F5: variants seen among roughly 807,000 people sequenced by gnomAD.
F5 encodes coagulation factor V.
In F5, 138 loss-of-function variants were observed where a neutral mutation model predicts 216.4. That is an observed-to-expected ratio of 0.64 (90% CI 0.56 to 0.73). The LOEUF is 0.73. Ranked by LOEUF, F5 falls within the 30% of genes least tolerant of loss-of-function variation. F5 has a pLI of 0.00. For synonymous variants in F5, 916 were observed against 930.7 expected, an observed-to-expected ratio of 0.98 and a Z score of 0.29; for missense variants, 2,403 against 2,674.0, an observed-to-expected ratio of 0.90 and a Z score of 2.24.
chr1:169,577,840 C>G (rs1481951008), intron 2 of F5, among the ~76,000 whole-genome samples: 1 of 151,886 alleles, frequency 6.6e-6, no homozygotes, highest in Non-Finnish European at 1.5e-5. Context: ...GGATGGGCAT[C>G]TTCATACCTC....
Position 169,513,503 on chromosome 1 carries a change from G to T in F5, c.*810C>A, listed in dbSNP as rs886658103. Among the ~76,000 whole-genome samples, 11 of 152,226 alleles carry T rather than the reference G, an allele frequency of 7.2e-5. No homozygotes were observed. Among genetic ancestry groups the T allele is most frequent in the African/African-American group, 2.4e-4 (10 of 41,534 alleles). On this transcript the variant is annotated 3_prime_UTR_variant, in exon 25 of 25. Coordinates refer to ENST00000367797, the MANE Select transcript of F5 (RefSeq NM_000130.5). ...AAAACTTTAACTGCTTGCCAGTTTG[G>T]CCAGAGGTCTCTTTGAGCAGGAACA...
intron 3 of F5, among the ~76,000 whole-genome samples, chr1:169,567,752 G>C (rs1485047520): frequency 1.3e-5 from 2 of 152,064 alleles, no homozygotes; most frequent in African/African-American, 2.4e-5. Flanking sequence ...CTAAATGCCA[G>C]AGTACAAATG....
At chr1:169,524,248 A>T (rs929310810) in intron 19 of F5, among the ~76,000 whole-genome samples, 4 of 152,212 alleles carry the variant, frequency 2.6e-5, no homozygotes, top group African/African-American at 9.7e-5. Context: ...TGACCTCTTG[A>T]TCTTGGGAAG....
Position 169,527,993 on chromosome 1 carries a change from C to A in F5, c.5521G>T (p.Val1841Leu). The A allele has an allele frequency of 6.2e-7, 1 of 1,613,908 alleles. No individual in the cohort carries two copies. The highest frequency in any genetic ancestry group is 2.2e-5 in the East Asian group (1 of 44,876). The change falls in exon 17 of 25, where the codon GTG (valine) becomes TTG (leucine). Residue 1841 changes from valine to leucine, a missense_variant. By Grantham distance (32) the Val-to-Leu change is conservative. This residue lies in a region of F5 where 659 missense variants were observed against 787.9 expected (regional missense o/e 0.84). Transcript: ENST00000367797. The stretch of plus-strand genomic sequence containing the variant: ...AAGGTCTGGCCGTGAAAGTGAACCA[C>A]GTGAATGTCTTGGGAGCCGCCTATG... ...LNIGGSQDIH[V>L]VHFHGQTLLE... is the part of the protein sequence containing the mutation.
In F5 at chr1:169,546,569, C is replaced by A; in HGVS notation, c.1635G>T (p.Gln545His). Residue 545 changes from glutamine to histidine, a missense_variant, in exon 11 of 25, where the codon CAG becomes CAT. Transcript: ENST00000367797. ...TCTCATCAAACACAGCAAACACAGC[C>A]TGCTGTTCGATGTCTGCTGCCCTCT... Reference protein sequence around the residue: ...GIQRAADIEQQAVFAVFDENK... With the variant: ...GIQRAADIEQHAVFAVFDENK... 6.2e-7 allele frequency: 1 copy of A among 1,614,102 alleles called. No homozygotes were observed. The highest frequency in any genetic ancestry group is 8.5e-7 in the Non-Finnish European group (1 of 1,179,988).
intron 6 of F5, among the ~76,000 whole-genome samples, chr1:169,556,425 T>TAAAAAA (rs61568675): frequency 0.025 from 1,471 of 58,914 alleles, 173 homozygotes; most frequent in Middle Eastern, 0.092. Context: ...TTTGCTTAAT[T>TAAAAAA]AAAAAAAAAA....
intron 10 of F5, among the ~76,000 whole-genome samples, chr1:169,549,592 A>T (rs1031740471): frequency 4.6e-5 from 7 of 151,888 alleles, no homozygotes; most frequent in Non-Finnish European, 1.0e-4. Flanking sequence ...CACACTCTAG[A>T]CTTGCCTTCG....
intron 23 of F5, among the ~76,000 whole-genome samples, chr1:169,518,038 T>C (rs1372601324): frequency 6.6e-6 from 1 of 152,194 alleles, no homozygotes; most frequent in African/African-American, 2.4e-5. Flanking sequence ...AGCCAGCTCA[T>C]TCATTTACAT....
chr1:169,556,892 C>A, intron 5 of F5, 25 bp from the exon 6 acceptor site: 1 of 1,597,822 alleles, frequency 6.3e-7, no homozygotes, highest in Non-Finnish European at 8.6e-7. Flanking sequence ...GAGACACAGG[C>A]CAAAATAAGC....
At chr1:169,534,720 C>CACATGT (rs1367757780) in intron 14 of F5, among the ~76,000 whole-genome samples, 1 of 151,114 alleles carries the variant, frequency 6.6e-6, no homozygotes, top group Non-Finnish European at 1.5e-5. Flanking sequence ...ACTGAAAAGA[C>CACATGT]ACATGTACTA....
chr1:169,576,172 C>G (rs1160669202), intron 2 of F5, among the ~76,000 whole-genome samples: 1 of 152,188 alleles, frequency 6.6e-6, no homozygotes, highest in Non-Finnish European at 1.5e-5. Flanking sequence ...TTTTGGACTT[C>G]TCATCTGCAG....
intron 2 of F5, among the ~76,000 whole-genome samples, chr1:169,579,564 A>C (rs2101844966): frequency 6.6e-6 from 1 of 152,248 alleles, no homozygotes; most frequent in East Asian, 1.9e-4. Context: ...CCAAATCTAT[A>C]CTTATCACCT....
intron 2 of F5, among the ~76,000 whole-genome samples, chr1:169,581,432 A>G (rs896766595): frequency 6.6e-6 from 1 of 151,698 alleles, no homozygotes; most frequent in Non-Finnish European, 1.5e-5. Context: ...AAAGGCAGGC[A>G]GGGTCAAGGG....
chr1:169,522,332 G>A (rs1331237994), intron 21 of F5, among the ~76,000 whole-genome samples: 1 of 152,052 alleles, frequency 6.6e-6, no homozygotes, highest in Non-Finnish European at 1.5e-5. Context: ...ATGAAAGCTA[G>A]TATAACTGTG....
At position 169,529,781 on chromosome 1, in the gene F5, A is replaced by T. The variant is rs1286743360; in HGVS notation, c.5246T>A (p.Leu1749Gln). 1 of 1,613,674 alleles carries T rather than the reference A, an allele frequency of 6.2e-7. No homozygotes were observed. The highest frequency in any genetic ancestry group is 1.1e-5 in the South Asian group (1 of 91,070). Residue 1749 changes from leucine to glutamine, a missense_variant, in exon 16 of 25, where the codon CTA becomes CAA. Leu to Gln is a moderately radical substitution (Grantham distance 113, BLOSUM62 -2). Coordinates refer to ENST00000367797, the MANE Select transcript of F5 (RefSeq NM_000130.5). Reference sequence around the variant, plus strand: ...ATGTAGTATTCCTTTTTGGCAGATTAGGAGGGGACCTATCAAGCCTGAGTG... The same window carrying T: ...ATGTAGTATTCCTTTTTGGCAGATTTGGAGGGGACCTATCAAGCCTGAGTG... ...DIHSGLIGPL[L>Q]ICQKGILHKD...
chr1:169,534,712 T>C (rs1425517458), intron 14 of F5, among the ~76,000 whole-genome samples: 3 of 151,180 alleles, frequency 2.0e-5, no homozygotes, highest in Non-Finnish European at 4.4e-5. Flanking sequence ...ATTGTTCTAC[T>C]GAAAAGACAC....
chr1:169,560,611 T>A lies in F5; in HGVS notation c.529A>T (p.Asn177Tyr). The change falls in exon 4 of 25, where the codon AAT becomes TAT. Residue 177 changes from asparagine to tyrosine, a missense_variant. Physicochemically the swap from Asn to Tyr is moderately radical, Grantham distance 143. This residue lies in a region of F5 where 1,425 missense variants were observed against 1,554.8 expected (regional missense o/e 0.92). Transcript: ENST00000367797. Reference sequence around the variant, plus strand: ...CCCGAGTTGAAATCCTCGATCAGATTTTCATGGGAGTAATAGATGTGTGTG... The same window carrying A: ...CCCGAGTTGAAATCCTCGATCAGATATTCATGGGAGTAATAGATGTGTGTG... ...CLTHIYYSHENLIEDFNSGLI... is the reference protein window; with the variant it reads ...CLTHIYYSHEYLIEDFNSGLI... 6.2e-7 allele frequency: 1 copy of A among 1,613,732 alleles called. No homozygotes were observed. Among genetic ancestry groups the A allele is most frequent in the Non-Finnish European group, 8.5e-7 (1 of 1,179,778 alleles).
In F5 at chr1:169,536,547, G is replaced by C; in HGVS notation, c.4930C>G (p.Leu1644Val). ...ACTTCAGCTCTGATAATAGGACCAAGAATTCCGAGATGCTCTTCATACTCC... is the reference window on the plus strand; with the variant it reads ...ACTTCAGCTCTGATAATAGGACCAACAATTCCGAGATGCTCTTCATACTCC... ...RGEYEEHLGI[L>V]GPIIRAEVDD... The change falls in exon 14 of 25, where the codon CTT becomes GTT. Residue 1644 changes from leucine to valine, a missense_variant. By Grantham distance (32) the Leu-to-Val change is conservative (BLOSUM62 1). This residue lies in a region of F5 where 659 missense variants were observed against 787.9 expected (regional missense o/e 0.84). Coordinates refer to ENST00000367797, the MANE Select transcript of F5 (RefSeq NM_000130.5). 1 of 1,613,504 alleles carries C rather than the reference G, an allele frequency of 6.2e-7. No individual in the cohort carries two copies. The highest frequency in any genetic ancestry group is 8.5e-7 in the Non-Finnish European group (1 of 1,179,608).
chr1:169,559,250 G>T lies in F5; in HGVS notation c.633C>A (p.Ile211=). The change falls in exon 5 of 25, where the codon ATC becomes ATA. Residue 211 remains isoleucine, a synonymous_variant. Coordinates refer to ENST00000367797, the MANE Select transcript of F5 (RefSeq NM_000130.5). ...CATCAAACACAGCAAATAGTAGCACGATTTGCTTGTCAAACGTCTTCTGTG... is the reference window on the plus strand; with the variant it reads ...CATCAAACACAGCAAATAGTAGCACTATTTGCTTGTCAAACGTCTTCTGTG... The part of the protein sequence containing the change: ...GGTQKTFDKQ[I]VLLFAVFDES... 6.2e-7 allele frequency: 1 copy of T among 1,613,640 alleles called. No homozygotes were observed. The highest frequency in any genetic ancestry group is 8.5e-7 in the Non-Finnish European group (1 of 1,179,668).
Sources: allele counts gnomAD v4.1 joint callset (sites outside exome capture counted in the v4.1 genomes callset), GRCh38; gene constraint gnomAD v4.1.1; regional missense constraint gnomAD v4.1.1; transcripts MANE v1.5; gene names NCBI Gene and HGNC (gene_info 2026-07-23, HGNC 2026-07-21).